The following DPH6 variants were observed in gnomAD, a reference collection of about 807,000 sequenced individuals.
DPH6 encodes the protein diphthamine biosynthesis 6, also known as diphthine--ammonia ligase.
DPH6 carries 33 observed loss-of-function variants against 38.2 expected under a neutral mutation model. The ratio of observed to expected loss-of-function variants is 0.86; its 90% CI spans 0.65 to 1.15. The LOEUF (loss-of-function observed/expected upper bound fraction) is 1.15. DPH6 is among the 50% of genes most tolerant of loss of function. DPH6 has a pLI of 0.00. For synonymous variants in DPH6, 108 were observed against 103.0 expected, an observed-to-expected ratio of 1.05 and a Z score of -0.30; for missense variants, 325 against 320.0, an observed-to-expected ratio of 1.02 and a Z score of -0.12.
the DPH6 span, among the ~76,000 whole-genome samples, chr15:35,189,713 C>T: frequency 6.6e-6 from 1 of 152,030 alleles, no homozygotes; most frequent in Non-Finnish European, 1.5e-5. Flanking sequence ...TGGCTATAGA[C>T]AGATTAATGA....
intron 3 of DPH6, among the ~76,000 whole-genome samples, chr15:35,302,467 G>T (rs1199092360): frequency 1.3e-5 from 2 of 152,130 alleles, no homozygotes; most frequent in African/African-American, 4.8e-5. Flanking sequence ...TGCTTTTGAA[G>T]TAATGTTAAT....
At chr15:35,480,325 C>G (rs1743677253) in intron 3 of DPH6, among the ~76,000 whole-genome samples, 1 of 152,062 alleles carries the variant, frequency 6.6e-6, no homozygotes, top group Admixed American at 6.6e-5. Context: ...TGCCTACAGA[C>G]AATTCTTTAA....
At chr15:35,539,844 T>C (rs1255539458) in intron 2 of DPH6, among the ~76,000 whole-genome samples, 1 of 152,056 alleles carries the variant, frequency 6.6e-6, no homozygotes, top group Non-Finnish European at 1.5e-5. Context: ...CCATTTTGGC[T>C]GACAGGTTTC....
At chr15:35,263,398 CTTTTT>C (rs757916530) in intron 3 of DPH6, among the ~76,000 whole-genome samples, 2 of 98,994 alleles carry the variant, frequency 2.0e-5, no homozygotes, top group African/African-American at 4.3e-5. Flanking sequence ...CATAATTAAT[CTTTTT>C]TTTTTTTTTT....
intron 6 of DPH6, among the ~76,000 whole-genome samples, chr15:35,404,910 G>A (rs768375531): frequency 7.2e-5 from 11 of 152,096 alleles, no homozygotes; most frequent in Non-Finnish European, 8.8e-5. Flanking sequence ...TATAAGGTGA[G>A]AGAGAGGGAT....
chr15:35,468,501 C>A (rs989762119), intron 3 of DPH6, among the ~76,000 whole-genome samples: 5 of 152,116 alleles, frequency 3.3e-5, no homozygotes, highest in African/African-American at 1.2e-4. Context: ...AAGACAGATA[C>A]CCCATTATCT....
chr15:35,417,658 C>A (rs2053453270), intron 5 of DPH6, among the ~76,000 whole-genome samples: 1 of 151,970 alleles, frequency 6.6e-6, no homozygotes, highest in Admixed American at 6.6e-5. Flanking sequence ...TATATTTGCA[C>A]TGAAATAATT....
chr15:35,177,990 TG>T, the DPH6 span, among the ~76,000 whole-genome samples: 2 of 152,126 alleles, frequency 1.3e-5, no homozygotes, highest in Non-Finnish European at 2.9e-5. Flanking sequence ...TACCTATTTA[TG>T]GGATATAATT....
At chr15:35,340,644 T>C (rs1419051862) in intron 3 of DPH6, among the ~76,000 whole-genome samples, 1 of 152,186 alleles carries the variant, frequency 6.6e-6, no homozygotes, top group Non-Finnish European at 1.5e-5. Context: ...TGAAGCTTAG[T>C]TTGGCTGGAT....
At chr15:35,436,909 G>A (rs1251084637) in intron 5 of DPH6, among the ~76,000 whole-genome samples, 1 of 151,486 alleles carries the variant, frequency 6.6e-6, no homozygotes, top group Non-Finnish European at 1.5e-5. Flanking sequence ...TTAGCATTTG[G>A]CTTATGATAA....
chr15:35,234,314 G>T (rs1019370688), intron 3 of DPH6, among the ~76,000 whole-genome samples: 32 of 152,206 alleles, frequency 2.1e-4, no homozygotes, highest in African/African-American at 7.7e-4. Context: ...GTGTGCAGGT[G>T]TGGGGTGATA....
the DPH6 span, among the ~76,000 whole-genome samples, chr15:35,196,071 T>C: frequency 6.6e-6 from 1 of 152,192 alleles, no homozygotes; most frequent in East Asian, 1.9e-4. Context: ...GTATTCCTCA[T>C]TTAGTAAAAT....
intron 5 of DPH6, among the ~76,000 whole-genome samples, chr15:35,449,323 C>T (rs2053899339): frequency 6.6e-6 from 1 of 151,982 alleles, no homozygotes; most frequent in African/African-American, 2.4e-5. Context: ...AGCTAATTCC[C>T]CATCTCTAAT....
At chr15:35,400,663 CATTAAA>C in intron 6 of DPH6, 1 of 615,244 alleles carries the variant, frequency 1.6e-6, no homozygotes, top group Non-Finnish European at 3.0e-6. Flanking sequence ...GAGGAAGCAT[CATTAAA>C]GTCTCTCTTC....
intron 3 of DPH6, among the ~76,000 whole-genome samples, chr15:35,474,389 C>T (rs949126907): frequency 6.6e-6 from 1 of 152,112 alleles, no homozygotes; most frequent in Non-Finnish European, 1.5e-5. Context: ...GAAACAAATA[C>T]TGAGGACCAG....
At chr15:35,378,245 A>AT (rs1330914016) in intron 7 of DPH6, among the ~76,000 whole-genome samples, 4 of 152,222 alleles carry the variant, frequency 2.6e-5, no homozygotes, top group Non-Finnish European at 5.9e-5. Context: ...ATCACCTGTC[A>AT]TTAGAGAAAT....
intron 3 of DPH6, among the ~76,000 whole-genome samples, chr15:35,505,605 C>G (rs1016219746): frequency 1.3e-5 from 2 of 151,860 alleles, no homozygotes; most frequent in Non-Finnish European, 2.9e-5. Flanking sequence ...CTGAAGTTAC[C>G]GTCTTGCTTA....
At chr15:35,545,664 C>A (rs1319824909) in intron 1 of DPH6, among the ~76,000 whole-genome samples, 2 of 151,956 alleles carry the variant, frequency 1.3e-5, no homozygotes, top group Non-Finnish European at 2.9e-5. Context: ...ACCAAAGGAA[C>A]TACAGAAGAG....
intron 5 of DPH6, among the ~76,000 whole-genome samples, chr15:35,422,077 G>A (rs935743779): frequency 6.6e-6 from 1 of 151,808 alleles, no homozygotes; most frequent in Admixed American, 6.6e-5. Context: ...TTGGCTTTGA[G>A]CAAATTAAAA....
Sources: gnomAD v4.1 joint callset for allele counts (sites outside exome capture counted in the v4.1 genomes callset) on GRCh38, gnomAD v4.1.1 for gene constraint, MANE v1.5 for transcripts, NCBI Gene and HGNC (gene_info 2026-07-23, HGNC 2026-07-21) for gene names.